Variants in DUXA observed in about 807,000 individuals in gnomAD.
The protein encoded by DUXA is double homeobox A, also known as double homeobox protein A.
A neutral mutation model predicts 27.5 loss-of-function variants in DUXA; 25 were observed. That is an observed-to-expected ratio of 0.91 (90% CI 0.66 to 1.27). The LOEUF is 1.27. Ranked by LOEUF, DUXA falls within the 50% of genes most tolerant of loss-of-function variation. The pLI is 0.00. For missense variants in DUXA, 247 were observed against 242.9 expected, an observed-to-expected ratio of 1.02 and a Z score of -0.11; for synonymous variants, 90 against 80.5, an observed-to-expected ratio of 1.12 and a Z score of -0.63.
At chr19:57,158,842 G>A (rs184887825) in intron 3 of DUXA, among the ~76,000 whole-genome samples, 2 of 152,298 alleles carry the variant, frequency 1.3e-5, no homozygotes, top group East Asian at 3.9e-4. Flanking sequence ...AATTAGCTGG[G>A]CATAGTGGCG....
chr19:57,161,575 A>G (rs1357308042), intron 1 of DUXA, among the ~76,000 whole-genome samples: 3 of 151,382 alleles, frequency 2.0e-5, no homozygotes, highest in African/African-American at 4.9e-5. Flanking sequence ...GTGAGCCGAG[A>G]TTGCGCCACT....
At chr19:57,165,803 C>A (rs1369837566) in intron 1 of DUXA, among the ~76,000 whole-genome samples, 1,215 of 95,278 alleles carry the variant, frequency 0.013, no homozygotes, top group African/African-American at 0.02. Context: ...AGACTCCTCT[C>A]AAAAAAAAAA....
At position 57,165,322 on chromosome 19, in the gene DUXA, A is replaced by ATATATATATAT. The variant is rs1484903570; in HGVS notation, c.25+2096_25+2097insATATATATATA. The stretch of plus-strand genomic sequence containing the variant: ...TTTCTGGAGTAGGAAAAAAAAAAAA[A>ATATATATATAT]AAATATATATATATATATATATGTA... On this transcript the variant is annotated intron_variant, in intron 1 of 5. Transcript: ENST00000554048. Among the ~76,000 whole-genome samples, 16 of 89,098 alleles carry ATATATATATAT rather than the reference A, an allele frequency of 1.8e-4. No homozygotes were observed. In the South Asian group the frequency reaches 1.9e-3, roughly 10 times the overall value. 58.5% of individuals were successfully genotyped at this position (89,098 alleles called of 152,430 possible). A position where few individuals can be genotyped will look rare whatever the true frequency, so the allele number is the denominator to read the frequency against.
intron 5 of DUXA, among the ~76,000 whole-genome samples, chr19:57,154,909 C>A (rs1309645349): frequency 6.6e-6 from 1 of 152,244 alleles, no homozygotes; most frequent in Non-Finnish European, 1.5e-5. Context: ...CTGGGAAAGC[C>A]ATGCCCCCGC....
intron 5 of DUXA, among the ~76,000 whole-genome samples, chr19:57,154,869 T>G (rs1019124525): frequency 2.0e-5 from 3 of 152,154 alleles, no homozygotes; most frequent in African/African-American, 4.8e-5. Context: ...AGCCCCCACC[T>G]TTTCAATCCA....
intron 3 of DUXA, 103 bp downstream of exon 3, chr19:57,159,064 T>A (rs1277024098): frequency 1.2e-5 from 11 of 955,186 alleles, no homozygotes; most frequent in African/African-American, 1.6e-5. Context: ...CATAAGACCC[T>A]GAACAGGAGG....
intron 4 of DUXA, 145 bp downstream of exon 4, chr19:57,158,183 G>C: frequency 1.1e-6 from 1 of 894,504 alleles, no homozygotes; most frequent in Non-Finnish European, 1.8e-6. Context: ...GGGCACCTGG[G>C]GGTAGAAGCC....
intron 1 of DUXA, among the ~76,000 whole-genome samples, chr19:57,166,454 C>T (rs533262054): frequency 2.0e-5 from 3 of 152,186 alleles, no homozygotes; most frequent in African/African-American, 4.8e-5. Context: ...GGACTACAGG[C>T]GCCCACCACC....
At chr19:57,163,142 T>C (rs1438602519) in intron 1 of DUXA, among the ~76,000 whole-genome samples, 1 of 152,034 alleles carries the variant, frequency 6.6e-6, no homozygotes, top group Non-Finnish European at 1.5e-5. Context: ...CTCCAGAGTT[T>C]TCACTTGCTC....
In DUXA at chr19:57,159,800, TA is replaced by T. The variant is rs953633164; in HGVS notation, c.181-523del. On this transcript the variant is annotated intron_variant, in intron 2 of 5. Transcript: ENST00000554048. ...TAATCTCTACTAAAAACAAAAAAGT[TA>T]AAAAAAAAAAAAATTAGCCGGCCAG... 3.7e-3 allele frequency among the ~76,000 whole-genome samples: 514 copies of T among 137,394 alleles called. 1 individual carries two copies. The highest frequency in any genetic ancestry group is 0.011 in the Middle Eastern group (3 of 280). The allele number at this position is 137,394 out of a possible 152,430, so 90.1% of individuals were successfully genotyped here. A position where few individuals can be genotyped will look rare whatever the true frequency, so the allele number is the denominator to read the frequency against.
chr19:57,163,449 T>TC (rs1354217182), intron 1 of DUXA, among the ~76,000 whole-genome samples: 2 of 149,478 alleles, frequency 1.3e-5, no homozygotes, highest in African/African-American at 4.9e-5. Context: ...TCCTCTCTCT[T>TC]TTTTTTTTCT....
intron 4 of DUXA, among the ~76,000 whole-genome samples, chr19:57,157,363 G>A (rs1208551076): frequency 1.3e-5 from 2 of 151,648 alleles, no homozygotes; most frequent in Non-Finnish European, 1.5e-5. Flanking sequence ...ACGGAGTCTT[G>A]CTCTGTCACC....
intron 1 of DUXA, among the ~76,000 whole-genome samples, chr19:57,162,006 T>G (rs139219297): frequency 0.018 from 2,793 of 152,214 alleles, 84 homozygotes; most frequent in African/African-American, 0.064. Flanking sequence ...TCCTCCTACC[T>G]CAGCCTCCTG....
At position 57,155,386 on chromosome 19, in the gene DUXA, CAAAG is replaced by C; in HGVS notation, c.439-18_439-15del. On this transcript the variant is annotated splice_polypyrimidine_tract_variant and intron_variant, in intron 4 of 5. Coordinates refer to ENST00000554048, the MANE Select transcript of DUXA (RefSeq NM_001012729.2). ...TTGGAACCAAATCTAAGTGGTAAGA[CAAAG>C]AAACTTAATTTAAACAAAGAATGTT... 1 of 1,568,266 alleles carries C rather than the reference CAAAG, an allele frequency of 6.4e-7. No homozygotes were observed. Among genetic ancestry groups the C allele is most frequent in the Non-Finnish European group, 8.8e-7 (1 of 1,140,114 alleles).
intron 4 of DUXA, among the ~76,000 whole-genome samples, chr19:57,157,444 C>A (rs2086998108): frequency 6.6e-6 from 1 of 151,960 alleles, no homozygotes; most frequent in African/African-American, 2.4e-5. Context: ...TGATTCTCCT[C>A]CCTCAGCCTG....
At chr19:57,157,789 A>G (rs2086999597) in intron 4 of DUXA, among the ~76,000 whole-genome samples, 1 of 151,988 alleles carries the variant, frequency 6.6e-6, no homozygotes, top group Admixed American at 6.6e-5. Flanking sequence ...CCAGGAGTTC[A>G]AGATCAGACT....
intron 1 of DUXA, among the ~76,000 whole-genome samples, chr19:57,165,147 T>C (rs950942789): frequency 2.0e-5 from 3 of 151,932 alleles, no homozygotes; most frequent in South Asian, 2.1e-4. Flanking sequence ...CTTCCGTATA[T>C]TTGTAAGTAA....
chr19:57,155,203 G>T, intron 5 of DUXA, 64 bp downstream of exon 5: 2 of 1,452,934 alleles, frequency 1.4e-6, no homozygotes, highest in South Asian at 1.1e-5. Context: ...GCTCCACCAT[G>T]ACGAAGCACT....
Position 57,160,782 on chromosome 19 carries a change from TTTG to T in DUXA, c.38_40del (p.Thr13del). On this transcript the variant is annotated inframe_deletion, in exon 2 of 6. Coordinates refer to ENST00000554048, the MANE Select transcript of DUXA (RefSeq NM_001012729.2). The stretch of plus-strand genomic sequence containing the variant: ...GAATTTTGTGCGACAGCGCCTATGA[TTTG>T]TTTTTACCATCTCTGTAGGAAGATT... The T allele has an allele frequency of 6.2e-7, 1 of 1,614,104 alleles. No homozygotes were observed. The highest frequency in any genetic ancestry group is 8.5e-7 in the Non-Finnish European group (1 of 1,180,032).
Sources: allele counts gnomAD v4.1 joint callset (sites outside exome capture counted in the v4.1 genomes callset), GRCh38; gene constraint gnomAD v4.1.1; transcripts MANE v1.5; gene names NCBI Gene and HGNC (gene_info 2026-07-23, HGNC 2026-07-21).